EYS: variants seen among roughly 807,000 people sequenced by gnomAD.
EYS encodes protein eyes shut homolog.
In EYS, 250 loss-of-function variants were observed where a neutral mutation model predicts 282.1. The observed-to-expected ratio is 0.89, with a 90% CI of 0.80 to 0.98. EYS has a LOEUF of 0.98. Among genes scored for constraint, EYS ranks in the 50% least tolerant of loss-of-function variants. The pLI, the probability that EYS is intolerant of heterozygous loss-of-function variation, is 0.00. For synonymous variants in EYS, 1,355 were observed against 1,282.9 expected (o/e 1.06, Z -1.20); for missense variants, 4,016 against 3,709.0 (o/e 1.08, Z -2.15).
intron 1 of EYS, among the ~76,000 whole-genome samples, chr6:65,688,061 C>A (rs1769096118): frequency 1.4e-5 from 2 of 138,770 alleles, no homozygotes; most frequent in African/African-American, 4.9e-5. Context: ...TGACTTTCTT[C>A]ACAGAATTGG....
chr6:64,686,411 A>G (rs1770100781), intron 22 of EYS, among the ~76,000 whole-genome samples: 1 of 151,968 alleles, frequency 6.6e-6, no homozygotes, highest in Non-Finnish European at 1.5e-5. Flanking sequence ...AAACATTACC[A>G]ATATGATAAA....
chr6:64,133,535 G>C (rs1050886423), intron 31 of EYS, among the ~76,000 whole-genome samples: 2 of 147,562 alleles, frequency 1.4e-5, no homozygotes, highest in Non-Finnish European at 3.0e-5. Context: ...CATTTGTATT[G>C]GTTTAACTAT....
chr6:64,828,033 A>G (rs57064567), intron 19 of EYS, among the ~76,000 whole-genome samples: 20,516 of 151,856 alleles, frequency 0.14, 1,686 homozygotes, highest in East Asian at 0.43. Context: ...AGGTGGATAG[A>G]TGACTGAATC....
intron 26 of EYS, among the ~76,000 whole-genome samples, chr6:64,512,668 A>G (rs1428273533): frequency 6.6e-6 from 1 of 152,020 alleles, no homozygotes; most frequent in African/African-American, 2.4e-5. Flanking sequence ...TTGACACCTC[A>G]TAATAGGAAG....
At chr6:65,543,293 T>C (rs1431638607) in intron 2 of EYS, among the ~76,000 whole-genome samples, 1 of 151,612 alleles carries the variant, frequency 6.6e-6, no homozygotes, top group Admixed American at 6.6e-5. Flanking sequence ...TGTGAGCCAC[T>C]GCACACAGTC....
chr6:65,363,015 A>G (rs1196945774), intron 8 of EYS, among the ~76,000 whole-genome samples: 1 of 152,022 alleles, frequency 6.6e-6, no homozygotes, highest in Non-Finnish European at 1.5e-5. Context: ...TTAGTCCTAA[A>G]TCAACTTTCA....
rs115589765 is a variant in EYS, at chr6:65,116,225, A to G, written c.2024-58498T>C. Among the ~76,000 whole-genome samples, 722 of 152,270 alleles carry G rather than the reference A, an allele frequency of 4.7e-3. 4 individuals carry two copies. The highest frequency in any genetic ancestry group is 0.017 in the African/African-American group (686 of 41,554). On this transcript the variant is annotated intron_variant, in intron 12 of 42. Transcript: ENST00000503581. Reference sequence around the variant, plus strand: ...AAGCTTAGTGGTCTATAATATGCCAAACATTCATAAGCTCAGTATGACTCT... The same window carrying G: ...AAGCTTAGTGGTCTATAATATGCCAGACATTCATAAGCTCAGTATGACTCT...
chr6:64,322,710 C>T (rs1292073444), intron 29 of EYS, among the ~76,000 whole-genome samples: 2 of 152,088 alleles, frequency 1.3e-5, no homozygotes, highest in East Asian at 1.9e-4. Flanking sequence ...TACAGGACAA[C>T]ATTTGAAGCT....
chr6:64,903,194 C>G (rs1350354204), intron 16 of EYS, among the ~76,000 whole-genome samples: 1 of 152,118 alleles, frequency 6.6e-6, no homozygotes, highest in South Asian at 2.1e-4. Context: ...CTAAGTATAA[C>G]AAAATATATG....
At chr6:64,953,012 G>A (rs1769565357) in intron 14 of EYS, among the ~76,000 whole-genome samples, 1 of 151,784 alleles carries the variant, frequency 6.6e-6, no homozygotes, top group South Asian at 2.1e-4. Flanking sequence ...ATCATTTCTA[G>A]ATATTTAATA....
chr6:63,917,738 A>G (rs900344976), intron 35 of EYS, among the ~76,000 whole-genome samples: 1 of 152,224 alleles, frequency 6.6e-6, no homozygotes, highest in African/African-American at 2.4e-5. Context: ...AGCTTTTATG[A>G]TGAGTCCAAT....
At chr6:65,290,279 G>A (rs1386931753) in intron 12 of EYS, among the ~76,000 whole-genome samples, 1 of 150,746 alleles carries the variant, frequency 6.6e-6, no homozygotes, top group Non-Finnish European at 1.5e-5. Context: ...AAAAATCAGA[G>A]AAAACCTTGA....
At chr6:63,864,417 T>A (rs1772622617) in intron 35 of EYS, 59 bp from the exon 36 acceptor site, 3 of 1,135,954 alleles carry the variant, frequency 2.6e-6, no homozygotes, top group African/African-American at 3.1e-5. Flanking sequence ...TCTACACACA[T>A]ACACATATAT....
chr6:63,727,245 A>G (rs997184207), intron 41 of EYS, among the ~76,000 whole-genome samples: 6 of 151,976 alleles, frequency 3.9e-5, no homozygotes, highest in African/African-American at 7.3e-5. Flanking sequence ...TTTTATCCCT[A>G]TGAAATCTAT....
At chr6:64,259,378 A>AT (rs1278835154) in intron 30 of EYS, among the ~76,000 whole-genome samples, 1 of 152,002 alleles carries the variant, frequency 6.6e-6, no homozygotes, top group Non-Finnish European at 1.5e-5. Flanking sequence ...CATTTACTTT[A>AT]TAAACCTTTT....
chr6:65,501,506 T>C (rs1304397860), intron 2 of EYS, among the ~76,000 whole-genome samples: 1 of 151,822 alleles, frequency 6.6e-6, no homozygotes, highest in Non-Finnish European at 1.5e-5. Flanking sequence ...ATACAGTTGG[T>C]CTATAGTATA....
intron 8 of EYS, among the ~76,000 whole-genome samples, chr6:65,358,599 A>AGTGTGTGTGTGTGTGTGTGTGTGT (rs61588307): frequency 7.1e-6 from 1 of 140,836 alleles, no homozygotes; most frequent in Non-Finnish European, 1.5e-5. Context: ...AGGTTTCTGA[A>AGTGTGTGTGTGTGTGTGTGTGTGT]GTGTGTGTGT....
chr6:64,441,367 C>T (rs1774940845), intron 26 of EYS, among the ~76,000 whole-genome samples: 1 of 152,154 alleles, frequency 6.6e-6, no homozygotes, highest in African/African-American at 2.4e-5. Context: ...GTGCCCAGAT[C>T]AGCTGTAGAC....
At chr6:64,308,340 C>T (rs1458498408) in intron 29 of EYS, among the ~76,000 whole-genome samples, 1 of 151,922 alleles carries the variant, frequency 6.6e-6, no homozygotes, top group East Asian at 1.9e-4. Flanking sequence ...CAAAAATAAC[C>T]TAATCATTAC....
Sources: allele counts gnomAD v4.1 joint callset (sites outside exome capture counted in the v4.1 genomes callset), GRCh38; gene constraint gnomAD v4.1.1; transcripts MANE v1.5; gene names NCBI Gene and HGNC (gene_info 2026-07-23, HGNC 2026-07-21).